CAMTA1: variants seen among roughly 807,000 people sequenced by gnomAD.
CAMTA1 encodes calmodulin binding transcription activator 1.
In CAMTA1, 27 loss-of-function variants were observed where a neutral mutation model predicts 170.9. That is an observed-to-expected ratio of 0.16 (90% CI 0.12 to 0.22). The LOEUF is 0.22. Among genes scored for constraint, CAMTA1 ranks in the 10% least tolerant of loss-of-function variants. The pLI is 1.00. For missense variants in CAMTA1, 1,619 were observed against 2,217.2 expected (o/e 0.73, Z 5.42); for synonymous variants, 833 against 891.5 (o/e 0.93, Z 1.17).
intron 4 of CAMTA1, among the ~76,000 whole-genome samples, chr1:7,106,403 A>T (rs774953202): frequency 2.6e-5 from 4 of 152,110 alleles, no homozygotes; most frequent in Non-Finnish European, 5.9e-5. Context: ...AGTAAGCCAC[A>T]TCTCACATTC....
intron 22 of CAMTA1, among the ~76,000 whole-genome samples, chr1:7,761,723 C>G (rs996675673): frequency 6.6e-6 from 1 of 152,212 alleles, no homozygotes. Flanking sequence ...CCAGTTCAGT[C>G]CATTGATTTT....
intron 5 of CAMTA1, among the ~76,000 whole-genome samples, chr1:7,282,678 A>G (rs566674521): frequency 1.3e-5 from 2 of 152,252 alleles, no homozygotes; most frequent in East Asian, 3.9e-4. Context: ...TATGCCAGAA[A>G]GGAGAGTTGG....
intron 3 of CAMTA1, among the ~76,000 whole-genome samples, chr1:7,020,269 G>A (rs1349696003): frequency 2.0e-5 from 3 of 152,152 alleles, no homozygotes; most frequent in East Asian, 3.8e-4. Context: ...AGATGCTAAC[G>A]CTATATTTTT....
In CAMTA1 at chr1:7,588,138, G is replaced by A. The variant is rs2150454401; in HGVS notation, c.511-52262G>A. ...GGCTATGGGACTAGACCCCAGGGCT[G>A]GGATCCCACAGAAAGTCACAGGCCC... On this transcript the variant is annotated intron_variant, in intron 6 of 22. Coordinates refer to ENST00000303635, the MANE Select transcript of CAMTA1 (RefSeq NM_015215.4). This position sits in a 1 kb window ranked among gnomAD's most constrained non-coding sequence, Gnocchi z 5.8. 6.6e-6 allele frequency among the ~76,000 whole-genome samples: 1 copy of A among 152,190 alleles called. No individual in the cohort carries two copies. The highest frequency in any genetic ancestry group is 2.4e-5 in the African/African-American group (1 of 41,464).
chr1:7,481,796 C>T (rs965353588), intron 6 of CAMTA1, among the ~76,000 whole-genome samples: 1 of 109,058 alleles, frequency 9.2e-6, no homozygotes, highest in African/African-American at 4.2e-5. Context: ...TATTTGCATA[C>T]AGTTCTTTTT....
chr1:7,556,355 A>T (rs1019419331), intron 6 of CAMTA1, among the ~76,000 whole-genome samples: 3 of 152,144 alleles, frequency 2.0e-5, no homozygotes, highest in African/African-American at 7.2e-5. Flanking sequence ...CTAGGGGGGC[A>T]GTCCCTCCAG....
intron 11 of CAMTA1, among the ~76,000 whole-genome samples, chr1:7,689,597 T>C (rs2096288838): frequency 6.6e-6 from 1 of 150,936 alleles, no homozygotes; most frequent in African/African-American, 2.4e-5. Flanking sequence ...GAAAAATCAG[T>C]GGCAGAGGGA....
At chr1:6,836,628 T>C (rs775692264) in intron 3 of CAMTA1, among the ~76,000 whole-genome samples, 8 of 152,144 alleles carry the variant, frequency 5.3e-5, no homozygotes, top group Non-Finnish European at 1.2e-4. Context: ...TGCATGCATG[T>C]GCACTCATCC....
intron 6 of CAMTA1, among the ~76,000 whole-genome samples, chr1:7,492,438 G>A (rs2093718551): frequency 6.6e-6 from 1 of 152,122 alleles, no homozygotes. Context: ...CTATGCCCCT[G>A]CCACCAGCCC....
intron 4 of CAMTA1, among the ~76,000 whole-genome samples, chr1:7,184,728 A>T (rs746878877): frequency 6.6e-6 from 1 of 152,188 alleles, no homozygotes; most frequent in Non-Finnish European, 1.5e-5. Flanking sequence ...TATGCTTTTG[A>T]CATTAATAAT....
intron 6 of CAMTA1, among the ~76,000 whole-genome samples, chr1:7,621,252 G>A (rs934459728): frequency 6.6e-6 from 1 of 152,242 alleles, no homozygotes; most frequent in Non-Finnish European, 1.5e-5. Context: ...AGAGAGCCAA[G>A]GGCTCTGGGA....
chr1:7,402,466 G>T (rs2089974026), intron 5 of CAMTA1, among the ~76,000 whole-genome samples: 1 of 152,222 alleles, frequency 6.6e-6, no homozygotes, highest in Non-Finnish European at 1.5e-5. Context: ...CTGTCCCCCA[G>T]CTTGGGGTTA....
intron 21 of CAMTA1, 62 bp downstream of exon 21, chr1:7,752,595 T>C (rs1319977677): frequency 7.6e-7 from 1 of 1,321,578 alleles, no homozygotes; most frequent in Non-Finnish European, 1.0e-6. Context: ...CCTGACCTTC[T>C]TAACCCTCAC....
At position 6,934,955 on chromosome 1, in the gene CAMTA1, A is replaced by G. The variant is rs1371678587; in HGVS notation, c.234+109745A>G. ...AGACCACAGGCAGCAAGAGCAACAG[A>G]TTTCCCTGCAATATGTTACAAGGGG... is the stretch of plus-strand genomic sequence containing the variant. On this transcript the variant is annotated intron_variant, in intron 3 of 22. Transcript: ENST00000303635. This position sits in a 1 kb window ranked among gnomAD's most constrained non-coding sequence, Gnocchi z 4.5. 6.6e-6 allele frequency among the ~76,000 whole-genome samples: 1 copy of G among 152,216 alleles called. No individual in the cohort carries two copies. The highest frequency in any genetic ancestry group is 1.5e-5 in the Non-Finnish European group (1 of 68,024).
chr1:6,993,106 A>G (rs1696652905), intron 3 of CAMTA1, among the ~76,000 whole-genome samples: 1 of 152,206 alleles, frequency 6.6e-6, no homozygotes, highest in Non-Finnish European at 1.5e-5. Flanking sequence ...TTATACCAGT[A>G]CCTCACTGTC....
chr1:7,486,667 C>G (rs563855835), intron 6 of CAMTA1, among the ~76,000 whole-genome samples: 1 of 152,216 alleles, frequency 6.6e-6, no homozygotes, highest in Non-Finnish European at 1.5e-5. Flanking sequence ...TAATCTCAGG[C>G]TCCCTGTCTG....
Position 6,785,495 on chromosome 1 carries a change from C to A in CAMTA1, c.-36C>A. The A allele has an allele frequency of 3.9e-6, 4 of 1,021,714 alleles. No homozygotes were observed. Among genetic ancestry groups the A allele is most frequent in the Non-Finnish European group, 4.7e-6 (4 of 849,014 alleles). 63.3% of individuals were successfully genotyped at this position (1,021,714 alleles called of 1,614,324 possible). On this transcript the variant is annotated 5_prime_UTR_variant, in exon 1 of 23. Transcript: ENST00000303635. ...GGCCGGCGGCGGCGGCGGTACGAGG[C>A]GCGCGCTCGGGGTCCCGGTCGCGAG...
At chr1:7,543,195 T>TA in intron 6 of CAMTA1, among the ~76,000 whole-genome samples, 1 of 152,356 alleles carries the variant, frequency 6.6e-6, no homozygotes, top group East Asian at 1.9e-4. Context: ...GGCTGCGTAA[T>TA]ATCCCATCTT....
At chr1:6,963,683 C>G (rs1019485068) in intron 3 of CAMTA1, among the ~76,000 whole-genome samples, 2 of 152,200 alleles carry the variant, frequency 1.3e-5, no homozygotes, top group African/African-American at 2.4e-5. Flanking sequence ...GACCCCTCCC[C>G]AGACCTGGTG....
Sources: gnomAD v4.1 joint callset for allele counts (sites outside exome capture counted in the v4.1 genomes callset) on GRCh38, gnomAD v4.1.1 for gene constraint, Gnocchi (gnomAD v3.1) non-coding constraint, MANE v1.5 for transcripts, NCBI Gene and HGNC (gene_info 2026-07-23, HGNC 2026-07-21) for gene names.